CCDC7: variants seen among roughly 807,000 people sequenced by gnomAD.
CCDC7 encodes coiled-coil domain-containing protein 7.
Under a neutral mutation model 196.9 loss-of-function variants are expected in CCDC7, and 183 were observed. That is an observed-to-expected ratio of 0.93 (90% CI 0.82 to 1.05). The LOEUF (loss-of-function observed/expected upper bound fraction) is 1.05, where lower values mean the gene tolerates loss of function less well. Ranked by LOEUF, CCDC7 falls within the 50% of genes least tolerant of loss-of-function variation. The pLI is 0.00. For synonymous variants in CCDC7, 525 were observed against 484.6 expected (o/e 1.08, Z -1.10); for missense variants, 1,540 against 1,482.2 (o/e 1.04, Z -0.64).
chr10:32,489,284 C>T (rs896264917), intron 8 of CCDC7, among the ~76,000 whole-genome samples: 2 of 152,146 alleles, frequency 1.3e-5, no homozygotes, highest in Non-Finnish European at 2.9e-5. Flanking sequence ...ATGGATATCC[C>T]TGCTGCATTG....
chr10:32,494,907 C>T (rs1240444430), intron 9 of CCDC7, among the ~76,000 whole-genome samples: 2 of 152,132 alleles, frequency 1.3e-5, no homozygotes, highest in African/African-American at 4.8e-5. Flanking sequence ...TGGGTATATA[C>T]CCAGTAATGG....
chr10:32,633,682 G>GTGTA (rs1554927922), intron 18 of CCDC7, among the ~76,000 whole-genome samples: 4 of 121,762 alleles, frequency 3.3e-5, no homozygotes, highest in South Asian at 3.2e-4. Flanking sequence ...TTAGCTTTGT[G>GTGTA]TATATATATA....
chr10:32,571,940 C>T lies in CCDC7; in HGVS notation c.1454+47C>T, dbSNP rs1590043018. On this transcript the variant is annotated intron_variant, in intron 16 of 41. Coordinates refer to ENST00000639629, the Ensembl canonical transcript of CCDC7. The stretch of plus-strand genomic sequence containing the variant: ...TGTTCCCTCATTTTCTAATCTTTAT[C>T]AGTTCACATACCTAAGCAATGAAAA... 10 of 1,530,440 alleles carry T rather than the reference C, an allele frequency of 6.5e-6. No homozygotes were observed. In the African/African-American group the frequency reaches 9.8e-5, roughly 15 times the overall value. 94.8% of individuals were successfully genotyped at this position (1,530,440 alleles called of 1,614,324 possible).
At chr10:32,816,784 T>C (rs562827508) in intron 31 of CCDC7, among the ~76,000 whole-genome samples, 7 of 152,182 alleles carry the variant, frequency 4.6e-5, no homozygotes, top group African/African-American at 1.7e-4. Flanking sequence ...TCCTGACTAT[T>C]AGAAGGAAAA....
At chr10:32,783,452 TA>T (rs199584039) in intron 29 of CCDC7, among the ~76,000 whole-genome samples, 1,907 of 152,272 alleles carry the variant, frequency 0.013, 12 homozygotes, top group Non-Finnish European at 0.019. Flanking sequence ...AAAATCACAA[TA>T]AGATATCACT....
Position 32,469,378 on chromosome 10 carries a change from C to T in CCDC7, c.511-1686C>T, listed in dbSNP as rs117175724. Reference sequence around the variant, plus strand: ...GAATATGAATATCCCCAATCATTCCCTCCCAGCAACGCAGGGCTAAGATGC... The same window carrying T: ...GAATATGAATATCCCCAATCATTCCTTCCCAGCAACGCAGGGCTAAGATGC... On this transcript the variant is annotated intron_variant, in intron 5 of 41. Transcript: ENST00000639629. Among the ~76,000 whole-genome samples, 51 of 152,322 alleles carry T rather than the reference C, an allele frequency of 3.3e-4. No homozygotes were observed. The East Asian group carries it at 9.1e-3, about 27-fold the overall frequency.
intron 24 of CCDC7, among the ~76,000 whole-genome samples, chr10:32,710,510 T>C (rs892169145): frequency 6.6e-6 from 1 of 152,088 alleles, no homozygotes; most frequent in African/African-American, 2.4e-5. Context: ...TGCCTGAGAG[T>C]CTAGGCCTAA....
At chr10:32,621,783 C>T (rs1307038011) in intron 18 of CCDC7, among the ~76,000 whole-genome samples, 1 of 152,114 alleles carries the variant, frequency 6.6e-6, no homozygotes, top group Non-Finnish European at 1.5e-5. Flanking sequence ...CTTATTGTTG[C>T]TCTGCGTTTT....
intron 28 of CCDC7, among the ~76,000 whole-genome samples, chr10:32,776,056 T>C (rs1160006596): frequency 1.4e-5 from 2 of 145,502 alleles, no homozygotes; most frequent in Non-Finnish European, 3.0e-5. Flanking sequence ...CCGCATATTC[T>C]CACTCATAGG....
chr10:32,702,234 G>C (rs535616189), intron 24 of CCDC7, among the ~76,000 whole-genome samples: 1 of 152,004 alleles, frequency 6.6e-6, no homozygotes, highest in South Asian at 2.1e-4. Context: ...TGTTCTCGTT[G>C]GTTTCAAAGA....
intron 24 of CCDC7, among the ~76,000 whole-genome samples, chr10:32,708,156 G>T (rs1402349688): frequency 1.3e-5 from 2 of 151,124 alleles, no homozygotes; most frequent in Non-Finnish European, 3.0e-5. Flanking sequence ...AGAGCCCTCA[G>T]AAATAATACC....
chr10:32,816,038 C>T (rs1350496646), intron 31 of CCDC7, among the ~76,000 whole-genome samples: 1 of 152,216 alleles, frequency 6.6e-6, no homozygotes, highest in Non-Finnish European at 1.5e-5. Flanking sequence ...CAGGGTGAGG[C>T]ATCACCTCAC....
At chr10:32,799,679 A>T (rs1467923385) in intron 29 of CCDC7, among the ~76,000 whole-genome samples, 1 of 152,206 alleles carries the variant, frequency 6.6e-6, no homozygotes, top group African/African-American at 2.4e-5. Flanking sequence ...TTACTGAGGT[A>T]AAAGGTCCCT....
intron 15 of CCDC7, 121 bp downstream of exon 16, chr10:32,568,012 T>G (rs1441324319): frequency 3.2e-4 from 345 of 1,070,314 alleles, no homozygotes; most frequent in East Asian, 7.5e-4. Flanking sequence ...TTGGGTTTTT[T>G]TTTTTTTTTT....
chr10:32,754,365 A>G (rs1317795236), intron 28 of CCDC7, among the ~76,000 whole-genome samples: 1 of 152,232 alleles, frequency 6.6e-6, no homozygotes, highest in African/African-American at 2.4e-5. Context: ...TGATGGAAAC[A>G]ATGAACTTTA....
upstream of CCDC7, among the ~76,000 whole-genome samples, chr10:32,448,133 G>A (rs1002113482): frequency 2.0e-5 from 3 of 151,794 alleles, no homozygotes; most frequent in African/African-American, 7.3e-5. Context: ...GTGTTTCATC[G>A]AAACAAAAAA....
intron 18 of CCDC7, among the ~76,000 whole-genome samples, chr10:32,608,036 G>A (rs1272573215): frequency 1.3e-5 from 2 of 151,942 alleles, no homozygotes; most frequent in Non-Finnish European, 2.9e-5. Context: ...GTTCAATTTG[G>A]TAGGTTGTAT....
chr10:32,633,314 A>G (rs2065140942), intron 18 of CCDC7, among the ~76,000 whole-genome samples: 1 of 152,000 alleles, frequency 6.6e-6, no homozygotes, highest in Non-Finnish European at 1.5e-5. Context: ...AGGAATTCTC[A>G]TGGACATCTT....
At chr10:32,676,696 C>T (rs565850172) in intron 21 of CCDC7, among the ~76,000 whole-genome samples, 10 of 151,980 alleles carry the variant, frequency 6.6e-5, no homozygotes, top group African/African-American at 1.9e-4. Context: ...GTTAGAATGG[C>T]AATCATTAAA....
Sources: gnomAD v4.1 joint callset for allele counts (sites outside exome capture counted in the v4.1 genomes callset) on GRCh38, gnomAD v4.1.1 for gene constraint, MANE v1.5 for transcripts, NCBI Gene and HGNC (gene_info 2026-07-23, HGNC 2026-07-21) for gene names.